Variants in NELL1 observed in about 807,000 individuals in gnomAD.
NELL1 encodes the protein neural EGFL like 1, also known as protein kinase C-binding protein NELL1.
In NELL1, 76 loss-of-function variants were observed where a neutral mutation model predicts 107.4. The observed-to-expected ratio is 0.71, with a 90% CI of 0.59 to 0.86. NELL1 has a LOEUF of 0.86. Among genes scored for constraint, NELL1 ranks in the 40% least tolerant of loss-of-function variants. The pLI is 0.00. For missense variants in NELL1, 1,024 were observed against 1,005.5 expected (o/e 1.02, Z -0.25); for synonymous variants, 353 against 341.2 (o/e 1.03, Z -0.38).
At chr11:21,022,145 T>G (rs1852716175) in intron 12 of NELL1, among the ~76,000 whole-genome samples, 1 of 152,116 alleles carries the variant, frequency 6.6e-6, no homozygotes, top group Admixed American at 6.6e-5. Flanking sequence ...CACTATGCTA[T>G]TTGATGCTTC....
intron 13 of NELL1, among the ~76,000 whole-genome samples, chr11:21,136,303 T>C (rs1855743196): frequency 6.6e-6 from 1 of 151,932 alleles, no homozygotes; most frequent in African/African-American, 2.4e-5. Context: ...GGGTGGGTAA[T>C]GAGGTTGGAG....
At chr11:20,973,228 C>T (rs1267053760) in intron 12 of NELL1, among the ~76,000 whole-genome samples, 1 of 151,534 alleles carries the variant, frequency 6.6e-6, no homozygotes, top group African/African-American at 2.4e-5. Flanking sequence ...CCGGCCTCAG[C>T]CTCCTGAGTA....
At chr11:21,472,188 T>C (rs1482266219) in intron 15 of NELL1, among the ~76,000 whole-genome samples, 5 of 151,906 alleles carry the variant, frequency 3.3e-5, no homozygotes, top group African/African-American at 1.2e-4. Context: ...TGTTTTAAAC[T>C]TCTCTACCCA....
chr11:21,533,998 G>A (rs1321813026), intron 15 of NELL1, among the ~76,000 whole-genome samples: 2 of 151,650 alleles, frequency 1.3e-5, no homozygotes, highest in Admixed American at 6.6e-5. Context: ...ATTTTCAAAG[G>A]ACACACCATA....
intron 14 of NELL1, among the ~76,000 whole-genome samples, chr11:21,300,918 C>G (rs1321131610): frequency 1.3e-5 from 2 of 151,296 alleles, no homozygotes; most frequent in African/African-American, 4.8e-5. Flanking sequence ...ACAACAGGCC[C>G]CAATGTGTGA....
At chr11:21,040,630 C>T (rs1162400859) in intron 12 of NELL1, among the ~76,000 whole-genome samples, 3 of 152,138 alleles carry the variant, frequency 2.0e-5, no homozygotes, top group Non-Finnish European at 4.4e-5. Flanking sequence ...TTTTCTCCAT[C>T]AGTATCATTA....
At chr11:21,531,103 T>C (rs749338704) in intron 15 of NELL1, among the ~76,000 whole-genome samples, 3 of 152,150 alleles carry the variant, frequency 2.0e-5, no homozygotes, top group Non-Finnish European at 2.9e-5. Context: ...ACTGAGTTAC[T>C]AGGGGAGGGA....
chr11:21,256,321 A>G (rs1286276301), intron 14 of NELL1, among the ~76,000 whole-genome samples: 2 of 152,070 alleles, frequency 1.3e-5, no homozygotes, highest in African/African-American at 4.8e-5. Context: ...GAGCACATAA[A>G]TGCTACATTT....
At chr11:21,225,083 C>A (rs1857859012) in intron 13 of NELL1, among the ~76,000 whole-genome samples, 1 of 152,116 alleles carries the variant, frequency 6.6e-6, no homozygotes, top group Non-Finnish European at 1.5e-5. Context: ...GGTATCATTT[C>A]TGTGTCCATC....
chr11:21,389,361 T>A (rs1197030397), intron 15 of NELL1, among the ~76,000 whole-genome samples: 1 of 151,848 alleles, frequency 6.6e-6, no homozygotes, highest in Non-Finnish European at 1.5e-5. Context: ...TAATTTATGC[T>A]TTTAAATTTA....
intron 14 of NELL1, among the ~76,000 whole-genome samples, chr11:21,318,063 T>G (rs1849920379): frequency 1.3e-5 from 2 of 152,076 alleles, no homozygotes; most frequent in Admixed American, 1.3e-4. Flanking sequence ...CCTGGAAGAT[T>G]TATGGTGGTA....
intron 17 of NELL1, among the ~76,000 whole-genome samples, chr11:21,560,951 G>GTGAGC (rs1371869445): frequency 2.6e-5 from 4 of 152,096 alleles, no homozygotes; most frequent in African/African-American, 9.7e-5. Context: ...TTGTTGGAAA[G>GTGAGC]TGAGCTTAAT....
At chr11:21,124,895 C>T (rs940873498) in intron 13 of NELL1, among the ~76,000 whole-genome samples, 2 of 152,054 alleles carry the variant, frequency 1.3e-5, no homozygotes, top group South Asian at 2.1e-4. Context: ...GCCACTGTGC[C>T]TGGCCAGATG....
At position 20,919,339 on chromosome 11, in the gene NELL1, G is replaced by T; in HGVS notation, c.759+5G>T. 6.5e-7 allele frequency: 1 copy of T among 1,534,330 alleles called. No individual in the cohort carries two copies. The highest frequency in any genetic ancestry group is 9.0e-7 in the Non-Finnish European group (1 of 1,112,414). ...TTGGCCAAGATGACTGCAAAAGTAGGTATCTAAATTTCATTTGTGATGTTT... is the reference window on the plus strand; with the variant it reads ...TTGGCCAAGATGACTGCAAAAGTAGTTATCTAAATTTCATTTGTGATGTTT... On this transcript the variant is annotated splice_donor_5th_base_variant and intron_variant, in intron 7 of 19. Coordinates refer to ENST00000357134, the MANE Select transcript of NELL1 (RefSeq NM_006157.5).
chr11:20,750,258 CT>C (rs1369954587), intron 2 of NELL1, among the ~76,000 whole-genome samples: 78 of 152,096 alleles, frequency 5.1e-4, no homozygotes, highest in Non-Finnish European at 1.1e-3. Context: ...CCATTAAAGT[CT>C]TTTCTTCATT....
chr11:20,982,246 C>A (rs1257363343), intron 12 of NELL1, among the ~76,000 whole-genome samples: 1 of 152,092 alleles, frequency 6.6e-6, no homozygotes, highest in African/African-American at 2.4e-5. Context: ...TTCACTCAAA[C>A]CATGTGACTG....
chr11:21,481,989 G>T (rs1854505842), intron 15 of NELL1, among the ~76,000 whole-genome samples: 1 of 152,120 alleles, frequency 6.6e-6, no homozygotes, highest in Non-Finnish European at 1.5e-5. Flanking sequence ...GGGTGACCTT[G>T]AGCATAGTTT....
intron 2 of NELL1, among the ~76,000 whole-genome samples, chr11:20,703,519 T>A (rs1040099660): frequency 6.6e-6 from 1 of 152,194 alleles, no homozygotes; most frequent in Admixed American, 6.5e-5. Context: ...TTTGCTCTGA[T>A]CTTAGTTATT....
chr11:21,035,063 T>C (rs897056111), intron 12 of NELL1, among the ~76,000 whole-genome samples: 6 of 152,046 alleles, frequency 3.9e-5, no homozygotes, highest in Non-Finnish European at 8.8e-5. Context: ...ATAATACCAC[T>C]GACCCCACAG....
Sources: gnomAD v4.1 joint callset for allele counts (sites outside exome capture counted in the v4.1 genomes callset) on GRCh38, gnomAD v4.1.1 for gene constraint, MANE v1.5 for transcripts, NCBI Gene and HGNC (gene_info 2026-07-23, HGNC 2026-07-21) for gene names.